NR2C1: variants seen among roughly 807,000 people sequenced by gnomAD.
NR2C1 encodes the protein TR2 nuclear hormone receptor.
In NR2C1, 33 loss-of-function variants were observed where a neutral mutation model predicts 74.8. The ratio of observed to expected loss-of-function variants is 0.44; its 90% CI spans 0.33 to 0.59. The LOEUF is 0.59. Ranked by LOEUF, NR2C1 falls within the 20% of genes least tolerant of loss-of-function variation. NR2C1 has a pLI of 0.02. For missense variants in NR2C1, 568 were observed against 715.6 expected, an observed-to-expected ratio of 0.79 and a Z score of 2.35; for synonymous variants, 225 against 240.6, an observed-to-expected ratio of 0.94 and a Z score of 0.60.
At chr12:95,040,922 C>T (rs1375000559) in intron 9 of NR2C1, among the ~76,000 whole-genome samples, 5 of 152,186 alleles carry the variant, frequency 3.3e-5, no homozygotes, top group African/African-American at 1.2e-4. Context: ...TGATAGCATA[C>T]AACAAATTCA....
chr12:95,044,431 C>A (rs943979380), intron 9 of NR2C1, among the ~76,000 whole-genome samples: 2 of 150,690 alleles, frequency 1.3e-5, no homozygotes, highest in Non-Finnish European at 2.9e-5. Context: ...CCACACCCGG[C>A]TAATTTTTTT....
intron 7 of NR2C1, among the ~76,000 whole-genome samples, chr12:95,053,329 A>G (rs1209786320): frequency 1.3e-5 from 2 of 152,062 alleles, no homozygotes; most frequent in African/African-American, 4.8e-5. Context: ...TGCATTAGCT[A>G]CAATTCTTTT....
At chr12:95,064,256 G>A (rs570832077) in intron 2 of NR2C1, among the ~76,000 whole-genome samples, 64 of 151,528 alleles carry the variant, frequency 4.2e-4, no homozygotes, top group Admixed American at 2.6e-3. Context: ...TTGAACCAGG[G>A]AGGCGGAGGT....
At position 95,058,009 on chromosome 12, in the gene NR2C1, A is replaced by C. The variant is rs1874180587; in HGVS notation, c.545-131T>G. On this transcript the variant is annotated intron_variant, in intron 5 of 13. Coordinates refer to ENST00000333003, the MANE Select transcript of NR2C1 (RefSeq NM_003297.4). The stretch of plus-strand genomic sequence containing the variant: ...ATACTAAACTCCAAAGATAACCATC[A>C]ATCTTTAGAAATTATGTGCAAGTTC... 7.2e-6 allele frequency: 6 copies of C among 827,890 alleles called. No individual in the cohort carries two copies. In the South Asian group the frequency reaches 1.1e-4, roughly 16 times the overall value. The allele number at this position is 827,890 out of a possible 1,614,324, so 51.3% of individuals were successfully genotyped here.
intron 8 of NR2C1, among the ~76,000 whole-genome samples, chr12:95,050,650 G>C (rs1330416662): frequency 1.3e-5 from 2 of 151,290 alleles, no homozygotes; most frequent in East Asian, 1.9e-4. Flanking sequence ...TTCCTTTAGA[G>C]ATGGGGTCTA....
At chr12:95,069,974 G>T (rs1488717768) in intron 1 of NR2C1, among the ~76,000 whole-genome samples, 1 of 152,192 alleles carries the variant, frequency 6.6e-6, no homozygotes, top group Non-Finnish European at 1.5e-5. Context: ...ACCCTGAAGA[G>T]ATGAGAAAGA....
chr12:95,045,074 C>T (rs1009643433), intron 9 of NR2C1, among the ~76,000 whole-genome samples: 3 of 152,264 alleles, frequency 2.0e-5, no homozygotes, highest in African/African-American at 7.2e-5. Context: ...GTTAGGAGAT[C>T]TGGATTCTGC....
chr12:95,050,549 T>G (rs1872841397), intron 8 of NR2C1, among the ~76,000 whole-genome samples: 1 of 152,130 alleles, frequency 6.6e-6, no homozygotes, highest in Non-Finnish European at 1.5e-5. Flanking sequence ...CCTCAGGTGA[T>G]CCACCCCTCT....
chr12:95,066,687 C>T (rs886198156), intron 2 of NR2C1, among the ~76,000 whole-genome samples: 32 of 152,048 alleles, frequency 2.1e-4, no homozygotes, highest in Admixed American at 9.2e-4. Context: ...ACTGGTCATC[C>T]GGAAAGCAAT....
At chr12:95,053,281 A>AT (rs1437622565) in intron 7 of NR2C1, among the ~76,000 whole-genome samples, 1 of 151,636 alleles carries the variant, frequency 6.6e-6, no homozygotes, top group Non-Finnish European at 1.5e-5. Context: ...GCTTGTCTTC[A>AT]TTTTTTTAAT....
intron 8 of NR2C1, among the ~76,000 whole-genome samples, chr12:95,049,953 C>G (rs1246366318): frequency 6.6e-6 from 1 of 152,086 alleles, no homozygotes; most frequent in Non-Finnish European, 1.5e-5. Context: ...GTGCGCACCA[C>G]CATGCTCAGC....
At chr12:95,058,193 A>T in intron 5 of NR2C1, 117 bp downstream of exon 5, 1 of 920,462 alleles carries the variant, frequency 1.1e-6, no homozygotes. Flanking sequence ...TTATATTTTT[A>T]GTTGGAAAAC....
At chr12:95,048,957 T>A in intron 9 of NR2C1, 111 bp downstream of exon 9, 3 of 991,916 alleles carry the variant, frequency 3.0e-6, no homozygotes, top group Non-Finnish European at 4.5e-6. Context: ...TCTGAAATTC[T>A]ATCAGGGATA....
chr12:95,052,154 CTTTG>C (rs1324593323), intron 7 of NR2C1, among the ~76,000 whole-genome samples: 2 of 148,294 alleles, frequency 1.3e-5, no homozygotes, highest in African/African-American at 2.5e-5. Context: ...TTATATGTTA[CTTTG>C]TTTTTTTTTT....
At chr12:95,040,632 T>A in intron 9 of NR2C1, 35 bp from the exon 10 acceptor site, 1 of 1,557,396 alleles carries the variant, frequency 6.4e-7, no homozygotes, top group Non-Finnish European at 8.7e-7. Context: ...AATTATCTTA[T>A]GACTGAAAAG....
Position 95,040,611 on chromosome 12 carries a change from G to T in NR2C1, c.1132-14C>A. The T allele has an allele frequency of 6.3e-7, 1 of 1,581,270 alleles. No individual in the cohort carries two copies. Among genetic ancestry groups the T allele is most frequent in the Non-Finnish European group, 8.6e-7 (1 of 1,162,698 alleles). On this transcript the variant is annotated splice_polypyrimidine_tract_variant and intron_variant, in intron 9 of 13. Coordinates refer to ENST00000333003, the MANE Select transcript of NR2C1 (RefSeq NM_003297.4). The stretch of plus-strand genomic sequence containing the variant: ...AGGCATGGTGAGCTAGTATGAACAG[G>T]GATTTAGGTAAATTATCTTATGACT...
intron 2 of NR2C1, among the ~76,000 whole-genome samples, chr12:95,064,751 T>C (rs1205588963): frequency 6.6e-6 from 1 of 152,238 alleles, no homozygotes; most frequent in African/African-American, 2.4e-5. Flanking sequence ...GCCAATTAAA[T>C]TCCTTGATTC....
intron 9 of NR2C1, among the ~76,000 whole-genome samples, chr12:95,045,245 GAAAGCT>G (rs1424822012): frequency 6.6e-6 from 1 of 152,174 alleles, no homozygotes; most frequent in African/African-American, 2.4e-5. Flanking sequence ...AAAGGGCTAA[GAAAGCT>G]AATGGCATGT....
chr12:95,059,200 G>A (rs1484451452), intron 4 of NR2C1, among the ~76,000 whole-genome samples: 1 of 151,604 alleles, frequency 6.6e-6, no homozygotes, highest in Non-Finnish European at 1.5e-5. Flanking sequence ...TACTCAGAAG[G>A]CCGAGGCAGG....
Sources: gnomAD v4.1 joint callset for allele counts (sites outside exome capture counted in the v4.1 genomes callset) on GRCh38, gnomAD v4.1.1 for gene constraint, MANE v1.5 for transcripts, NCBI Gene and HGNC (gene_info 2026-07-23, HGNC 2026-07-21) for gene names.